The following ACCSL variants were observed in gnomAD, a reference collection of about 807,000 sequenced individuals.
ACCSL encodes probable inactive 1-aminocyclopropane-1-carboxylate synthase-like protein 2.
Under a neutral mutation model 61.7 loss-of-function variants are expected in ACCSL, and 55 were observed. The ratio of observed to expected loss-of-function variants is 0.89; its 90% CI spans 0.72 to 1.12. ACCSL has a LOEUF of 1.12. ACCSL is among the 50% of genes most tolerant of loss of function. ACCSL has a pLI of 0.00. For synonymous variants in ACCSL, 258 were observed against 264.3 expected (o/e 0.98, Z 0.23); for missense variants, 632 against 698.0 (o/e 0.91, Z 1.07).
At chr11:44,058,173 TTTTG>T in intron 11 of ACCSL, 140 bp from the exon 12 acceptor site, 1 of 1,056,600 alleles carries the variant, frequency 9.5e-7, no homozygotes, top group East Asian at 2.6e-5. Context: ...ACTCTGGTTT[TTTTG>T]TTTTTTTTAA....
chr11:44,023,596 G>A, the ACCSL span, among the ~76,000 whole-genome samples: 1 of 149,400 alleles, frequency 6.7e-6, no homozygotes. Flanking sequence ...TCTTTTCAAA[G>A]AACCAACTTT....
At chr11:44,018,000 G>A in the ACCSL span, among the ~76,000 whole-genome samples, 58 of 152,244 alleles carry the variant, frequency 3.8e-4, no homozygotes, top group African/African-American at 1.3e-3. Context: ...AACCAGCAGC[G>A]TCTCCTGGGA....
At chr11:43,923,209 G>A in the ACCSL span, among the ~76,000 whole-genome samples, 1 of 152,172 alleles carries the variant, frequency 6.6e-6, no homozygotes, top group Admixed American at 6.5e-5. Context: ...TGCTCCAGTT[G>A]GAGGGTTTCA....
At chr11:43,991,401 A>G in the ACCSL span, among the ~76,000 whole-genome samples, 4 of 152,234 alleles carry the variant, frequency 2.6e-5, no homozygotes, top group Non-Finnish European at 4.4e-5. Flanking sequence ...GTAGCTCTAG[A>G]ATGAGAACAG....
At chr11:44,013,468 T>TG in the ACCSL span, among the ~76,000 whole-genome samples, 1 of 150,184 alleles carries the variant, frequency 6.7e-6, no homozygotes, top group Admixed American at 6.6e-5. Flanking sequence ...TTAGTAGAGA[T>TG]GGGGGGTGGA....
At chr11:43,931,328 C>T in the ACCSL span, among the ~76,000 whole-genome samples, 16 of 152,308 alleles carry the variant, frequency 1.1e-4, no homozygotes, top group East Asian at 9.7e-4. Flanking sequence ...CATGCCCCAC[C>T]GCAAGACTCT....
upstream of ACCSL, among the ~76,000 whole-genome samples, chr11:44,047,649 T>C (rs1952607278): frequency 6.6e-6 from 1 of 152,228 alleles, no homozygotes; most frequent in Non-Finnish European, 1.5e-5. Flanking sequence ...ATGGTGATTG[T>C]TTTTGAGCAG....
At chr11:43,973,194 A>C in the ACCSL span, among the ~76,000 whole-genome samples, 1 of 152,354 alleles carries the variant, frequency 6.6e-6, no homozygotes, top group East Asian at 1.9e-4. Context: ...ATGACTTGGA[A>C]TGAAGCACAT....
chr11:44,001,327 C>G, the ACCSL span, among the ~76,000 whole-genome samples: 1 of 151,914 alleles, frequency 6.6e-6, no homozygotes, highest in African/African-American at 2.4e-5. Flanking sequence ...GCAAAGCAAG[C>G]TGCCCATCTC....
chr11:43,943,530 C>T, the ACCSL span: 1 of 1,329,364 alleles, frequency 7.5e-7, no homozygotes. The surrounding 1 kb of genome is among the most constrained non-coding windows in gnomAD (Gnocchi z 4.8). Context: ...CTTCCCAGTG[C>T]GAACTCTGCT....
chr11:43,986,040 C>T, the ACCSL span, among the ~76,000 whole-genome samples: 1 of 126,452 alleles, frequency 7.9e-6, no homozygotes, highest in East Asian at 1.9e-4. Context: ...CAAAGCCGAG[C>T]ATTCCATGTC....
the ACCSL span, among the ~76,000 whole-genome samples, chr11:44,036,380 C>G: frequency 6.6e-6 from 1 of 152,228 alleles, no homozygotes; most frequent in Non-Finnish European, 1.5e-5. Flanking sequence ...GATTGAGGAA[C>G]CTCGCTGGGC....
At chr11:43,943,114 G>C in the ACCSL span, 1 of 1,499,094 alleles carries the variant, frequency 6.7e-7, no homozygotes, top group South Asian at 1.3e-5. This position sits in a 1 kb window ranked among gnomAD's most constrained non-coding sequence, Gnocchi z 4.8. Context: ...AGGAGGAGGG[G>C]GTGTCCCCCA....
the ACCSL span, among the ~76,000 whole-genome samples, chr11:43,931,176 G>A: frequency 6.6e-6 from 1 of 152,228 alleles, no homozygotes; most frequent in Non-Finnish European, 1.5e-5. Context: ...GAGCCCAGCT[G>A]CTGGAGGTGT....
the ACCSL span, among the ~76,000 whole-genome samples, chr11:44,042,829 C>A: frequency 6.6e-6 from 1 of 151,966 alleles, no homozygotes; most frequent in African/African-American, 2.4e-5. Context: ...ACCTGTAATC[C>A]CAGCACTTTG....
the ACCSL span, among the ~76,000 whole-genome samples, chr11:44,002,432 C>T: frequency 1.3e-5 from 2 of 152,308 alleles, no homozygotes; most frequent in Non-Finnish European, 2.9e-5. Flanking sequence ...GGAAAGGTTA[C>T]GCTGGGAAAT....
At chr11:44,009,310 C>T in the ACCSL span, among the ~76,000 whole-genome samples, 1 of 152,202 alleles carries the variant, frequency 6.6e-6, no homozygotes, top group African/African-American at 2.4e-5. Flanking sequence ...TGTTGTGACT[C>T]AGTTTCTCCC....
chr11:44,012,443 T>C, the ACCSL span, among the ~76,000 whole-genome samples: 1 of 152,128 alleles, frequency 6.6e-6, no homozygotes, highest in African/African-American at 2.4e-5. Context: ...CCCGCCACCA[T>C]GTCCAGCAAA....
At chr11:43,976,116 A>T in the ACCSL span, among the ~76,000 whole-genome samples, 2 of 150,744 alleles carry the variant, frequency 1.3e-5, no homozygotes, top group Non-Finnish European at 3.0e-5. Context: ...GCTATACTTA[A>T]AGAACTACAC....
Sources: allele counts gnomAD v4.1 joint callset (sites outside exome capture counted in the v4.1 genomes callset), GRCh38; gene constraint gnomAD v4.1.1; non-coding constraint Gnocchi (gnomAD v3.1); transcripts MANE v1.5; gene names NCBI Gene and HGNC (gene_info 2026-07-23, HGNC 2026-07-21).